TSHZ2: variants seen among roughly 807,000 people sequenced by gnomAD.
TSHZ2 encodes the protein teashirt zinc finger homeobox 2, also known as teashirt homolog 2.
A neutral mutation model predicts 74.4 loss-of-function variants in TSHZ2; 21 were observed. The ratio of observed to expected loss-of-function variants is 0.28; its 90% confidence interval spans 0.20 to 0.41. The LOEUF (loss-of-function observed/expected upper bound fraction) is 0.41, where lower values mean the gene tolerates loss of function less well. Among genes scored for constraint, TSHZ2 ranks in the 10% least tolerant of loss-of-function variants. TSHZ2 has a pLI of 1.00. For missense variants in TSHZ2, 1,244 were observed against 1,293.5 expected (o/e 0.96, Z 0.59); for synonymous variants, 540 against 515.3 (o/e 1.05, Z -0.65).
chr20:53,375,924 A>T (rs988064692), intron 2 of TSHZ2, among the ~76,000 whole-genome samples: 1 of 152,210 alleles, frequency 6.6e-6, no homozygotes, highest in African/African-American at 2.4e-5. Context: ...TGTGAATCTC[A>T]TACTCTAACA....
At chr20:53,272,375 C>T (rs148677050) in intron 2 of TSHZ2, among the ~76,000 whole-genome samples, 1,523 of 152,220 alleles carry the variant, frequency 0.01, 26 homozygotes, top group African/African-American at 0.035. Context: ...CACCTCGAAG[C>T]TCTGGGAGGG....
At chr20:53,362,286 A>G (rs1013447689) in intron 2 of TSHZ2, among the ~76,000 whole-genome samples, 3 of 151,266 alleles carry the variant, frequency 2.0e-5, no homozygotes, top group African/African-American at 7.3e-5. Flanking sequence ...CCAGGTTCAC[A>G]CCATTCTCCT....
At chr20:53,165,222 C>T (rs959296631) in intron 1 of TSHZ2, among the ~76,000 whole-genome samples, 10 of 152,146 alleles carry the variant, frequency 6.6e-5, no homozygotes, top group Non-Finnish European at 1.0e-4. Flanking sequence ...GTTTTACCTG[C>T]AACATTTCAT....
At chr20:53,333,599 G>A (rs907407924) in intron 2 of TSHZ2, among the ~76,000 whole-genome samples, 1 of 152,112 alleles carries the variant, frequency 6.6e-6, no homozygotes, top group East Asian at 1.9e-4. Flanking sequence ...GGGACTATAG[G>A]CACCCACCAC....
chr20:53,243,017 T>C (rs560737019), intron 1 of TSHZ2, among the ~76,000 whole-genome samples: 9 of 151,856 alleles, frequency 5.9e-5, no homozygotes, highest in Admixed American at 1.3e-4. Context: ...AAAAGAAAAA[T>C]GGGGGACTGA....
At chr20:53,089,237 G>A (rs183910741) in intron 1 of TSHZ2, among the ~76,000 whole-genome samples, 42 of 151,170 alleles carry the variant, frequency 2.8e-4, no homozygotes, top group South Asian at 1.5e-3. Context: ...ACATCTATAG[G>A]GCCTGAGGAA....
At chr20:53,251,936 A>T (rs1990341314) in intron 1 of TSHZ2, among the ~76,000 whole-genome samples, 3 of 152,194 alleles carry the variant, frequency 2.0e-5, no homozygotes, top group Non-Finnish European at 4.4e-5. Flanking sequence ...CATCAGGCAG[A>T]CTTGGGTGTC....
In TSHZ2 at chr20:53,418,227, G is replaced by A. The variant is rs551379891; in HGVS notation, c.*9-68917G>A. Reference sequence around the variant, plus strand: ...CATTCCAGGTTTTCCATCTAAAATGGGTGTGGGATCCTACTACTTCCCAAG... The same window carrying A: ...CATTCCAGGTTTTCCATCTAAAATGAGTGTGGGATCCTACTACTTCCCAAG... On this transcript the variant is annotated intron_variant, in intron 2 of 2. Transcript: ENST00000371497. Among the ~76,000 whole-genome samples, 8 of 152,266 alleles carry A rather than the reference G, an allele frequency of 5.3e-5. No individual in the cohort carries two copies. In the South Asian group the frequency reaches 1.7e-3, roughly 32 times the overall value.
chr20:53,201,857 A>G (rs192571343), intron 1 of TSHZ2, among the ~76,000 whole-genome samples: 80 of 152,254 alleles, frequency 5.3e-4, no homozygotes, highest in African/African-American at 1.9e-3. Flanking sequence ...GCAAGTTGTG[A>G]CAATCAAAAA....
chr20:53,011,608 C>T (rs1015215286), intron 1 of TSHZ2, among the ~76,000 whole-genome samples: 3 of 152,072 alleles, frequency 2.0e-5, no homozygotes, highest in African/African-American at 7.2e-5. Context: ...AAAGAGCACA[C>T]AGGAGTATGT....
intron 2 of TSHZ2, among the ~76,000 whole-genome samples, chr20:53,290,079 C>T (rs1991251566): frequency 6.6e-6 from 1 of 152,190 alleles, no homozygotes; most frequent in Non-Finnish European, 1.5e-5. Context: ...TCCATATTTT[C>T]AGCTTCTCTT....
At chr20:53,051,848 G>A (rs977487411) in intron 1 of TSHZ2, among the ~76,000 whole-genome samples, 15 of 152,152 alleles carry the variant, frequency 9.9e-5, no homozygotes, top group African/African-American at 3.1e-4. Flanking sequence ...AGAAAGGTGC[G>A]AACCCATAGA....
chr20:53,198,985 A>G (rs1988936425), intron 1 of TSHZ2, among the ~76,000 whole-genome samples: 1 of 152,218 alleles, frequency 6.6e-6, no homozygotes, highest in Admixed American at 6.5e-5. Flanking sequence ...ACTAGAGCAC[A>G]CACTTCCTCA....
chr20:53,192,562 GAA>G (rs35358292), intron 1 of TSHZ2, among the ~76,000 whole-genome samples: 5 of 127,250 alleles, frequency 3.9e-5, no homozygotes, highest in African/African-American at 1.4e-4. Flanking sequence ...TTAGTGTCTG[GAA>G]AAAAAAAAAA....
At chr20:53,191,269 T>G (rs1026604090) in intron 1 of TSHZ2, among the ~76,000 whole-genome samples, 1 of 152,162 alleles carries the variant, frequency 6.6e-6, no homozygotes. Context: ...ACAGTGAATA[T>G]AGGGTTTTAT....
At chr20:53,028,619 C>T (rs943364165) in intron 1 of TSHZ2, among the ~76,000 whole-genome samples, 1 of 152,176 alleles carries the variant, frequency 6.6e-6, no homozygotes, top group African/African-American at 2.4e-5. Context: ...GGAGGTGGTG[C>T]CTTAAGATCT....
intron 1 of TSHZ2, among the ~76,000 whole-genome samples, chr20:53,213,861 A>G (rs1989372787): frequency 6.6e-6 from 1 of 152,162 alleles, no homozygotes; most frequent in Non-Finnish European, 1.5e-5. Context: ...CCTGACAATA[A>G]GTCCAGCCTG....
intron 1 of TSHZ2, among the ~76,000 whole-genome samples, chr20:53,167,312 T>C (rs6126770): frequency 0.087 from 13,186 of 152,302 alleles, 740 homozygotes; most frequent in East Asian, 0.23. Flanking sequence ...GAGCACTTTA[T>C]ATACATTTTC....
intron 2 of TSHZ2, among the ~76,000 whole-genome samples, chr20:53,407,996 T>C (rs2145691108): frequency 6.6e-6 from 1 of 152,324 alleles, no homozygotes; most frequent in East Asian, 1.9e-4. Flanking sequence ...CAGGATGCAT[T>C]TGGCCTGTGG....
Sources: allele counts gnomAD v4.1 joint callset (sites outside exome capture counted in the v4.1 genomes callset), GRCh38; gene constraint gnomAD v4.1.1; transcripts MANE v1.5; gene names NCBI Gene and HGNC (gene_info 2026-07-23, HGNC 2026-07-21).